The following FMO4 variants were observed in gnomAD, a reference collection of about 807,000 sequenced individuals.
The protein encoded by FMO4 is dimethylaniline monooxygenase [N-oxide-forming] 4.
A neutral mutation model predicts 43.3 loss-of-function variants in FMO4; 38 were observed. The ratio of observed to expected loss-of-function variants is 0.88; its 90% confidence interval spans 0.68 to 1.15. The LOEUF (loss-of-function observed/expected upper bound fraction) is 1.15. FMO4 is among the 50% of genes most tolerant of loss of function. The probability of loss-of-function intolerance (pLI) is 0.00; values close to 1 mark genes in which losing one functional copy is unlikely to be tolerated. For missense variants in FMO4, 631 were observed against 663.3 expected (o/e 0.95, Z 0.54); for synonymous variants, 224 against 232.2 (o/e 0.96, Z 0.32).
intron 4 of FMO4, among the ~76,000 whole-genome samples, 165 bp downstream of exon 4, chr1:171,323,357 A>G (rs1283440855): frequency 1.3e-5 from 2 of 152,156 alleles, no homozygotes; most frequent in Non-Finnish European, 2.9e-5. Context: ...TTTTACTCGA[A>G]TAAATCGTTA....
At chr1:171,319,631 A>G (rs1662324445) in intron 2 of FMO4, among the ~76,000 whole-genome samples, 187 bp from the exon 3 acceptor site, 1 of 152,198 alleles carries the variant, frequency 6.6e-6, no homozygotes, top group Non-Finnish European at 1.5e-5. Context: ...GTTAATAAGT[A>G]GTGAAGCCAA....
intron 3 of FMO4, among the ~76,000 whole-genome samples, chr1:171,321,884 G>GC (rs1171647760): frequency 6.6e-6 from 1 of 152,142 alleles, no homozygotes; most frequent in Non-Finnish European, 1.5e-5. Flanking sequence ...CAGCAGGGCC[G>GC]CATCAGCTAC....
Position 171,327,806 on chromosome 1 carries a change from C to T in FMO4, c.484+3506C>T, listed in dbSNP as rs1400637670. ...TGGCATGTACATGTAGTCCCAGCTACTCGGGCGGCTGAGGCGGGAGGATCA... is the reference window on the plus strand; with the variant it reads ...TGGCATGTACATGTAGTCCCAGCTATTCGGGCGGCTGAGGCGGGAGGATCA... On this transcript the variant is annotated intron_variant, in intron 5 of 9. Coordinates refer to ENST00000367749, the MANE Select transcript of FMO4 (RefSeq NM_002022.3). Among the ~76,000 whole-genome samples, 4 of 152,120 alleles carry T rather than the reference C, an allele frequency of 2.6e-5. No individual in the cohort carries two copies. In the East Asian group the frequency reaches 7.7e-4, roughly 29 times the overall value.
At position 171,334,495 on chromosome 1, in the gene FMO4, A is replaced by G. The variant is rs1242799193; in HGVS notation, c.912A>G (p.Glu304=). The G allele has an allele frequency of 1.2e-6, 2 of 1,613,878 alleles. No homozygotes were observed. The highest frequency in any genetic ancestry group is 1.7e-6 in the Non-Finnish European group (2 of 1,179,886). ...TCACTATGAAAACCAGCGTGATTGA[A>G]TTTACAGAAACCTCTGCTGTCTTTG... is the stretch of plus-strand genomic sequence containing the variant. ...GAITMKTSVI[E]FTETSAVFED... Residue 304 remains glutamate, a synonymous_variant, in exon 8 of 10, where the codon GAA becomes GAG. Coordinates refer to ENST00000367749, the MANE Select transcript of FMO4 (RefSeq NM_002022.3).
rs1254015041 is a variant in FMO4, at chr1:171,319,848, T to C, written c.23T>C (p.Ile8Thr). The C allele has an allele frequency of 1.9e-5, 31 of 1,613,762 alleles. No homozygotes were observed. The highest frequency in any genetic ancestry group is 4.4e-5 in the South Asian group (4 of 91,074). Reference protein sequence around the residue: MAKKVAVIGAGVSGLSSI... With the variant: MAKKVAVTGAGVSGLSSI... Reference sequence around the variant, plus strand: ...ACCATGGCCAAGAAAGTTGCAGTGATTGGAGCTGGTGTGAGTGGCCTCTCC... The same window carrying C: ...ACCATGGCCAAGAAAGTTGCAGTGACTGGAGCTGGTGTGAGTGGCCTCTCC... The change falls in exon 3 of 10, where the codon ATT becomes ACT. Residue 8 changes from isoleucine (I) to threonine (T), a missense_variant. Transcript: ENST00000367749.
chr1:171,338,151 C>A (rs999869823), intron 9 of FMO4, among the ~76,000 whole-genome samples: 5 of 152,100 alleles, frequency 3.3e-5, no homozygotes, highest in African/African-American at 1.2e-4. Flanking sequence ...CTTTTCTCTT[C>A]TTTTTTTCTC....
At chr1:171,317,170 T>C (rs1662229865) in intron 2 of FMO4, among the ~76,000 whole-genome samples, 1 of 152,170 alleles carries the variant, frequency 6.6e-6, no homozygotes, top group South Asian at 2.1e-4. Context: ...TTAAGTTGTT[T>C]CAAATGATTA....
intron 1 of FMO4, among the ~76,000 whole-genome samples, 186 bp from the exon 2 acceptor site, chr1:171,316,000 T>A (rs1201127964): frequency 6.6e-6 from 1 of 152,196 alleles, no homozygotes; most frequent in East Asian, 1.9e-4. Context: ...AAGACTTTAC[T>A]ACTATTTCTT....
At chr1:171,332,652 A>G (rs1373062982) in intron 6 of FMO4, 57 bp from the exon 7 acceptor site, 1 of 1,455,952 alleles carries the variant, frequency 6.9e-7, no homozygotes, top group East Asian at 2.3e-5. Context: ...CACTGATGAA[A>G]AATACTACAA....
chr1:171,331,540 A>T, intron 5 of FMO4, 100 bp from the exon 6 acceptor site: 1 of 1,105,396 alleles, frequency 9.0e-7, no homozygotes, highest in Non-Finnish European at 1.3e-6. Context: ...AAGGACTGCC[A>T]TAGTTGTGGG....
At chr1:171,327,680 C>T (rs556690899) in intron 5 of FMO4, among the ~76,000 whole-genome samples, 61 of 151,866 alleles carry the variant, frequency 4.0e-4, no homozygotes, top group Non-Finnish European at 7.4e-4. Flanking sequence ...TTTGGGAGGC[C>T]GAGGCAGGCA....
At chr1:171,337,812 CT>C (rs1381365595) in intron 9 of FMO4, among the ~76,000 whole-genome samples, 1 of 152,148 alleles carries the variant, frequency 6.6e-6, no homozygotes, top group East Asian at 1.9e-4. Context: ...CCTCAGGCCT[CT>C]TCTCATTCCT....
At position 171,319,841 on chromosome 1, in the gene FMO4, G is replaced by A. The variant is rs1415354699; in HGVS notation, c.16G>A (p.Ala6Thr). ...AGAGCATACCATGGCCAAGAAAGTT[G>A]CAGTGATTGGAGCTGGTGTGAGTGG... MAKKV[A>T]VIGAGVSGLS... Residue 6 changes from alanine to threonine, a missense_variant, in exon 3 of 10, where the codon GCA becomes ACA. Ala to Thr is a moderately conservative substitution (Grantham distance 58, BLOSUM62 0). Coordinates refer to ENST00000367749, the MANE Select transcript of FMO4 (RefSeq NM_002022.3). 6.2e-7 allele frequency: 1 copy of A among 1,613,864 alleles called. No homozygotes were observed. Among genetic ancestry groups the A allele is most frequent in the Non-Finnish European group, 8.5e-7 (1 of 1,179,780 alleles).
At chr1:171,314,869 A>C (rs1558031837) in intron 1 of FMO4, among the ~76,000 whole-genome samples, 1 of 152,200 alleles carries the variant, frequency 6.6e-6, no homozygotes. Context: ...TTTGCAAATC[A>C]CCCAAGTCTC....
chr1:171,331,905 A>G (rs982419613), intron 6 of FMO4, 123 bp downstream of exon 6: 10 of 440,826 alleles, frequency 2.3e-5, no homozygotes, highest in Middle Eastern at 5.3e-4. Context: ...AGTAAGTGGG[A>G]AAAAAAAAAA....
chr1:171,315,442 T>G (rs562846512), intron 1 of FMO4, among the ~76,000 whole-genome samples: 39 of 152,266 alleles, frequency 2.6e-4, no homozygotes, highest in African/African-American at 8.7e-4. Flanking sequence ...CTTTTTTTTT[T>G]TGTGCACCAA....
chr1:171,339,704 T>C (rs879191529), intron 9 of FMO4, among the ~76,000 whole-genome samples: 2 of 152,052 alleles, frequency 1.3e-5, no homozygotes, highest in Non-Finnish European at 2.9e-5. Flanking sequence ...GATGCAAAGA[T>C]GAAGAAGGTA....
chr1:171,341,417 G>T lies in FMO4; in HGVS notation c.1255G>T (p.Val419Leu). The T allele has an allele frequency of 6.2e-7, 1 of 1,612,622 alleles. No individual in the cohort carries two copies. The highest frequency in any genetic ancestry group is 8.5e-7 in the Non-Finnish European group (1 of 1,179,228). ...TEKEQLIKRG[V>L]FKDTSKDKFD... ...CTCCCTCTTTTTTCCTCTCAGGGGA[G>T]TGTTTAAAGACACCAGCAAAGACAA... The change falls in exon 10 of 10, where the codon GTG becomes TTG. Residue 419 changes from valine (V) to leucine (L), a missense_variant. Coordinates refer to ENST00000367749, the MANE Select transcript of FMO4 (RefSeq NM_002022.3).
chr1:171,323,937 T>C (rs1276694899), intron 4 of FMO4, among the ~76,000 whole-genome samples: 1 of 152,202 alleles, frequency 6.6e-6, no homozygotes, highest in Non-Finnish European at 1.5e-5. Context: ...GATTCAAATG[T>C]CTTGAGTTAA....
Sources: allele counts gnomAD v4.1 joint callset (sites outside exome capture counted in the v4.1 genomes callset), GRCh38; gene constraint gnomAD v4.1.1; transcripts MANE v1.5; gene names NCBI Gene and HGNC (gene_info 2026-07-23, HGNC 2026-07-21).